Variants in SUSD4 observed in about 807,000 individuals in gnomAD.
SUSD4 encodes sushi domain-containing protein 4.
Under a neutral mutation model 50.5 loss-of-function variants are expected in SUSD4, and 41 were observed. The observed-to-expected ratio is 0.81, with a 90% CI of 0.63 to 1.05. SUSD4 has a LOEUF of 1.05. SUSD4 is among the 50% of genes least tolerant of loss of function. The pLI, the probability that SUSD4 is intolerant of heterozygous loss-of-function variation, is 0.00. For missense variants in SUSD4, 580 were observed against 634.7 expected (o/e 0.91, Z 0.93); for synonymous variants, 257 against 257.3 (o/e 1.00, Z 0.01).
intron 2 of SUSD4, among the ~76,000 whole-genome samples, chr1:223,337,828 A>T (rs1346316637): frequency 6.6e-6 from 1 of 152,172 alleles, no homozygotes; most frequent in East Asian, 1.9e-4. Flanking sequence ...GCTTAGAGGG[A>T]GAAAATGAGG....
At position 223,229,173 on chromosome 1, in the gene SUSD4, C is replaced by A; in HGVS notation, c.916+24G>T. On this transcript the variant is annotated intron_variant, in intron 6 of 8. Transcript: ENST00000366878. This position sits in a 1 kb window ranked among gnomAD's most constrained non-coding sequence, Gnocchi z 4.7. ...TGGTCCAAGGAGGGTCCATCTCCTC[C>A]AAGGGTGAGGCCTTCAGTCTTACCT... 1.9e-6 allele frequency: 3 copies of A among 1,582,632 alleles called. No individual in the cohort carries two copies. The highest frequency in any genetic ancestry group is 2.6e-6 in the Non-Finnish European group (3 of 1,155,482).
At chr1:223,234,708 G>C (rs536455993) in intron 5 of SUSD4, among the ~76,000 whole-genome samples, 1 of 152,118 alleles carries the variant, frequency 6.6e-6, no homozygotes, top group South Asian at 2.1e-4. Flanking sequence ...TCACCCGACG[G>C]ACACCACACA....
At chr1:223,342,590 A>G (rs1285482330) in intron 2 of SUSD4, among the ~76,000 whole-genome samples, 1 of 152,202 alleles carries the variant, frequency 6.6e-6, no homozygotes, top group Non-Finnish European at 1.5e-5. Context: ...AGGCCAAGAA[A>G]CAGACCCAAA....
intron 2 of SUSD4, among the ~76,000 whole-genome samples, chr1:223,336,181 T>A (rs1667445818): frequency 6.6e-6 from 1 of 152,154 alleles, no homozygotes; most frequent in African/African-American, 2.4e-5. Flanking sequence ...CTCGAACTCC[T>A]GACCTCAGAT....
chr1:223,339,484 T>G (rs921576330), intron 2 of SUSD4, among the ~76,000 whole-genome samples: 2 of 151,982 alleles, frequency 1.3e-5, no homozygotes, highest in Non-Finnish European at 2.9e-5. Flanking sequence ...GAGGGACCCA[T>G]CCCTCCAACC....
intron 5 of SUSD4, among the ~76,000 whole-genome samples, chr1:223,242,401 G>T (rs1022354477): frequency 6.6e-6 from 1 of 152,140 alleles, no homozygotes; most frequent in Non-Finnish European, 1.5e-5. Context: ...TGCTGTGGGG[G>T]TTTAACAACA....
rs1293406938 is a variant in SUSD4 at position 223,282,011 on chromosome 1, G to GCA, written c.361+10427_361+10428insTG. Among the ~76,000 whole-genome samples, 3 of 152,092 alleles carry GCA rather than the reference G, an allele frequency of 2.0e-5. No homozygotes were observed. In the East Asian group the frequency reaches 5.8e-4, roughly 29 times the overall value. On this transcript the variant is annotated intron_variant, in intron 3 of 8. Transcript: ENST00000366878. ...ACCACATGATTATCTCAATAGACATGGAAAAGGCCTTTGACAAAATTCAAC... is the reference window on the plus strand; with the variant it reads ...ACCACATGATTATCTCAATAGACATGCAGAAAAGGCCTTTGACAAAATTCAAC...
intron 3 of SUSD4, among the ~76,000 whole-genome samples, chr1:223,287,223 C>T (rs1023968528): frequency 1.6e-4 from 24 of 152,132 alleles, no homozygotes; most frequent in Non-Finnish European, 1.5e-5. Flanking sequence ...ATCATAGGCG[C>T]GAGCCACCAC....
At chr1:223,264,908 T>C in intron 4 of SUSD4, 90 bp from the exon 5 acceptor site, 2 of 1,343,592 alleles carry the variant, frequency 1.5e-6, no homozygotes, top group South Asian at 1.5e-5. Context: ...TTTTTAGGAT[T>C]CCCCCACCTC....
intron 2 of SUSD4, among the ~76,000 whole-genome samples, chr1:223,301,316 G>A (rs1665178032): frequency 6.6e-6 from 1 of 152,208 alleles, no homozygotes; most frequent in African/African-American, 2.4e-5. Flanking sequence ...ATCCTGACTT[G>A]TCACTTAAAA....
intron 2 of SUSD4, among the ~76,000 whole-genome samples, chr1:223,299,084 T>C (rs541844834): frequency 6.6e-6 from 1 of 152,364 alleles, no homozygotes; most frequent in East Asian, 1.9e-4. Context: ...TTCTAGGGCC[T>C]GCCAGAGCTT....
chr1:223,273,128 T>G (rs922143242), intron 3 of SUSD4, among the ~76,000 whole-genome samples: 3 of 152,118 alleles, frequency 2.0e-5, no homozygotes, highest in Non-Finnish European at 4.4e-5. Flanking sequence ...GAGAAGAACA[T>G]GTTAGGCAGT....
intron 5 of SUSD4, among the ~76,000 whole-genome samples, chr1:223,241,237 A>G (rs918903089): frequency 2.6e-5 from 4 of 152,200 alleles, no homozygotes; most frequent in Non-Finnish European, 4.4e-5. Context: ...CCCCTGCCAG[A>G]AGCACAAGGG....
In SUSD4 at chr1:223,223,208, G is replaced by T. The variant is rs1437865217; in HGVS notation, c.1444+41C>A. The T allele has an allele frequency of 4.7e-6, 7 of 1,504,600 alleles. No individual in the cohort carries two copies. In the Admixed American group the frequency reaches 1.6e-4, roughly 33 times the overall value. 93.2% of individuals were successfully genotyped at this position (1,504,600 alleles called of 1,614,324 possible). ...CTGGCTTGAAGATGCTGGTGCGGAGGTGTTTGCAGGTGTGGCTTGGGCCCT... is the reference window on the plus strand; with the variant it reads ...CTGGCTTGAAGATGCTGGTGCGGAGTTGTTTGCAGGTGTGGCTTGGGCCCT... On this transcript the variant is annotated intron_variant, in intron 8 of 8. Transcript: ENST00000366878.
chr1:223,227,527 C>A lies in SUSD4; in HGVS notation c.1061+67G>T. 1 of 1,569,444 alleles carries A rather than the reference C, an allele frequency of 6.4e-7. No individual in the cohort carries two copies. Among genetic ancestry groups the A allele is most frequent in the Non-Finnish European group, 8.7e-7 (1 of 1,150,590 alleles). ...CAACTTTTCACTCATCACTTTCTCC[C>A]TCTGCTGCTAAGGGTAGCTGCATTG... On this transcript the variant is annotated intron_variant, in intron 7 of 8. Transcript: ENST00000366878. This position sits in a 1 kb window ranked among gnomAD's most constrained non-coding sequence, Gnocchi z 4.5.
intron 3 of SUSD4, among the ~76,000 whole-genome samples, chr1:223,284,628 T>C (rs569306110): frequency 2.0e-5 from 3 of 152,310 alleles, no homozygotes; most frequent in Admixed American, 2.0e-4. Context: ...AATAGATGAA[T>C]GGGTAACGAA....
chr1:223,257,054 G>A (rs2103056337), intron 5 of SUSD4, among the ~76,000 whole-genome samples: 1 of 152,306 alleles, frequency 6.6e-6, no homozygotes, highest in South Asian at 2.1e-4. Context: ...AATGTCAAAT[G>A]AATCAAAAGA....
At chr1:223,230,784 T>C (rs928848111) in intron 5 of SUSD4, 1 of 152,166 alleles carries the variant, frequency 6.6e-6, no homozygotes, top group African/African-American at 2.4e-5. Context: ...TAGGTCTGAA[T>C]TCCGGCTGAA....
At position 223,268,032 on chromosome 1, in the gene SUSD4, TATATATATATAC is replaced by T. The variant is rs1662633741; in HGVS notation, c.535+458_535+469del. The stretch of plus-strand genomic sequence containing the variant: ...CATTTTTTATATATATATATATATA[TATATATATATAC>T]ACACACACTGTTAAGAGAAAACAGC... On this transcript the variant is annotated intron_variant, in intron 4 of 8. Transcript: ENST00000366878. Among the ~76,000 whole-genome samples the T allele has an allele frequency of 3.5e-4, 32 of 90,748 alleles. 3 individuals carry two copies. In the South Asian group the frequency reaches 7.7e-3, roughly 22 times the overall value. The allele number at this position is 90,748 out of a possible 152,430, so 59.5% of individuals were successfully genotyped here.
Sources: gnomAD v4.1 joint callset for allele counts (sites outside exome capture counted in the v4.1 genomes callset) on GRCh38, gnomAD v4.1.1 for gene constraint, Gnocchi (gnomAD v3.1) non-coding constraint, MANE v1.5 for transcripts, NCBI Gene and HGNC (gene_info 2026-07-23, HGNC 2026-07-21) for gene names.